TTC28: variants seen among roughly 807,000 people sequenced by gnomAD.
TTC28 encodes the protein tetratricopeptide repeat protein 28.
In TTC28, 61 loss-of-function variants were observed where a neutral mutation model predicts 198.0. The ratio of observed to expected loss-of-function variants is 0.31; its 90% confidence interval spans 0.25 to 0.38. The LOEUF is 0.38. Ranked by LOEUF, TTC28 falls within the 10% of genes least tolerant of loss-of-function variation. The probability of loss-of-function intolerance (pLI) is 1.00; values close to 1 mark genes in which losing one functional copy is unlikely to be tolerated. For synonymous variants in TTC28, 1,171 were observed against 1,297.8 expected (o/e 0.90, Z 2.10); for missense variants, 2,678 against 3,164.0 (o/e 0.85, Z 3.69).
chr22:28,574,516 T>C (rs2050115732), intron 2 of TTC28, among the ~76,000 whole-genome samples: 1 of 152,200 alleles, frequency 6.6e-6, no homozygotes, highest in Non-Finnish European at 1.5e-5. Context: ...GATATACTGA[T>C]TTCCTTTCTT....
intron 2 of TTC28, among the ~76,000 whole-genome samples, chr22:28,583,974 CTCTT>C (rs1195183270): frequency 1.4e-5 from 2 of 147,178 alleles, no homozygotes; most frequent in Non-Finnish European, 3.0e-5. Flanking sequence ...ATTATTTTCT[CTCTT>C]TCTCCGTTTT....
At chr22:28,191,653 G>A (rs964092986) in intron 5 of TTC28, among the ~76,000 whole-genome samples, 3 of 152,242 alleles carry the variant, frequency 2.0e-5, no homozygotes, top group African/African-American at 4.8e-5. Context: ...TTCCACACCT[G>A]GCTCAGAGGG....
intron 2 of TTC28, among the ~76,000 whole-genome samples, chr22:28,458,461 A>G (rs2047897418): frequency 6.6e-6 from 1 of 152,230 alleles, no homozygotes; most frequent in African/African-American, 2.4e-5. Flanking sequence ...CTTCCTAGAT[A>G]ATCTCTCCTG....
chr22:28,004,355 C>A (rs1937845756), intron 14 of TTC28, among the ~76,000 whole-genome samples: 1 of 152,104 alleles, frequency 6.6e-6, no homozygotes, highest in Non-Finnish European at 1.5e-5. Flanking sequence ...GGGGCTGTAC[C>A]CAAGAGTAAT....
At chr22:28,390,438 TG>T (rs1342023666) in intron 2 of TTC28, among the ~76,000 whole-genome samples, 2 of 152,122 alleles carry the variant, frequency 1.3e-5, no homozygotes, top group African/African-American at 4.8e-5. Context: ...ATGTTGACAG[TG>T]GGGTGTTAAA....
intron 2 of TTC28, among the ~76,000 whole-genome samples, chr22:28,399,011 T>G (rs2046859358): frequency 6.6e-6 from 1 of 151,786 alleles, no homozygotes; most frequent in African/African-American, 2.4e-5. Flanking sequence ...GGGAGTTATT[T>G]TGCCTTTTTT....
chr22:28,501,848 T>C (rs982082907), intron 2 of TTC28, among the ~76,000 whole-genome samples: 12 of 152,148 alleles, frequency 7.9e-5, no homozygotes, highest in Admixed American at 2.6e-4. Context: ...TGTTGGAAAA[T>C]ATACTTTTTA....
intron 2 of TTC28, among the ~76,000 whole-genome samples, chr22:28,442,331 C>T (rs1349819582): frequency 2.6e-5 from 4 of 152,346 alleles, no homozygotes; most frequent in African/African-American, 9.6e-5. Flanking sequence ...CCGGCTATGG[C>T]CAGCCCCAGG....
chr22:28,105,489 G>T lies in TTC28; in HGVS notation c.3097C>A (p.Pro1033Thr), dbSNP rs373907164. The T allele has an allele frequency of 2.6e-5, 41 of 1,551,526 alleles. No individual in the cohort carries two copies. The African/African-American group carries it at 4.7e-4, about 18-fold the overall frequency. Residue 1033 changes from proline to threonine, a missense_variant, in exon 8 of 23, where the codon CCC becomes ACC. This residue lies in a region of TTC28 where 727 missense variants were observed against 861.9 expected (regional missense o/e 0.84). Coordinates refer to ENST00000397906, the MANE Select transcript of TTC28 (RefSeq NM_001145418.2). ...DLQIAEETNN[P>T]TCQGRAYGNL... Reference sequence around the variant, plus strand: ...CCATAGGCTCGGCCCTGGCACGTGGGGTTGTTGGTTTCCTCTGCTATCTGT... The same window carrying T: ...CCATAGGCTCGGCCCTGGCACGTGGTGTTGTTGGTTTCCTCTGCTATCTGT...
At chr22:28,364,860 G>C (rs2046220803) in intron 2 of TTC28, among the ~76,000 whole-genome samples, 5 of 152,200 alleles carry the variant, frequency 3.3e-5, no homozygotes, top group Admixed American at 3.3e-4. Flanking sequence ...ACTACTCCTG[G>C]TAAAGATGCT....
chr22:28,652,574 T>G (rs976491693), intron 1 of TTC28, among the ~76,000 whole-genome samples: 2 of 152,330 alleles, frequency 1.3e-5, no homozygotes, highest in South Asian at 2.1e-4. Context: ...ATGGAAACAT[T>G]TTGAGATTTT....
chr22:28,085,385 C>A (rs1941545165), intron 12 of TTC28, among the ~76,000 whole-genome samples: 1 of 152,070 alleles, frequency 6.6e-6, no homozygotes, highest in African/African-American at 2.4e-5. Flanking sequence ...GAATTTTCAA[C>A]CCAGAATTTC....
intron 12 of TTC28, among the ~76,000 whole-genome samples, chr22:28,073,086 G>A (rs934921697): frequency 2.0e-5 from 3 of 152,156 alleles, no homozygotes; most frequent in African/African-American, 7.2e-5. Flanking sequence ...AAGCAAATGG[G>A]TAATATCAAA....
In TTC28 at chr22:28,471,039, C is replaced by T. The variant is rs574587323; in HGVS notation, c.381+158513G>A. On this transcript the variant is annotated intron_variant, in intron 2 of 22. Coordinates refer to ENST00000397906, the MANE Select transcript of TTC28 (RefSeq NM_001145418.2). Reference sequence around the variant, plus strand: ...AAACTATACTCTACCAACATGAATCCCAGACCTTAACAGAATGAGGAAAGC... The same window carrying T: ...AAACTATACTCTACCAACATGAATCTCAGACCTTAACAGAATGAGGAAAGC... 4.1e-4 allele frequency among the ~76,000 whole-genome samples: 63 copies of T among 152,266 alleles called. 1 individual carries two copies. In the South Asian group the frequency reaches 0.013, roughly 31 times the overall value.
chr22:28,554,397 A>G (rs2049755045), intron 2 of TTC28, among the ~76,000 whole-genome samples: 1 of 152,002 alleles, frequency 6.6e-6, no homozygotes, highest in Admixed American at 6.5e-5. Context: ...AGATGAATCA[A>G]AGACTTAAAT....
chr22:28,115,251 C>G (rs986186852), intron 6 of TTC28, among the ~76,000 whole-genome samples: 1 of 152,112 alleles, frequency 6.6e-6, no homozygotes, highest in African/African-American at 2.4e-5. Flanking sequence ...GCCATGACCT[C>G]CCGGGCTCAA....
At chr22:28,105,145 A>G (rs1013007505) in intron 8 of TTC28, 134 bp downstream of exon 8, 1 of 897,468 alleles carries the variant, frequency 1.1e-6, no homozygotes, top group African/African-American at 1.7e-5. Flanking sequence ...TGAACTGACA[A>G]TGTGGCCTCT....
intron 2 of TTC28, among the ~76,000 whole-genome samples, chr22:28,409,260 C>A (rs909497666): frequency 1.3e-5 from 2 of 152,174 alleles, no homozygotes; most frequent in Admixed American, 6.5e-5. Context: ...GAGAGAAGTG[C>A]ATCTTTCAGA....
chr22:28,549,344 T>C (rs1408629566), intron 2 of TTC28, among the ~76,000 whole-genome samples: 1 of 152,170 alleles, frequency 6.6e-6, no homozygotes, highest in African/African-American at 2.4e-5. Context: ...ATTCTAATTA[T>C]TGAGCACACT....
Sources: allele counts gnomAD v4.1 joint callset (sites outside exome capture counted in the v4.1 genomes callset), GRCh38; gene constraint gnomAD v4.1.1; regional missense constraint gnomAD v4.1.1; transcripts MANE v1.5; gene names NCBI Gene and HGNC (gene_info 2026-07-23, HGNC 2026-07-21).